The following SUCLG2 variants were observed in gnomAD, a reference collection of about 807,000 sequenced individuals.
SUCLG2 encodes succinate--CoA ligase [GDP-forming] subunit beta, mitochondrial.
Under a neutral mutation model 47.9 loss-of-function variants are expected in SUCLG2, and 42 were observed. The ratio of observed to expected loss-of-function variants is 0.88; its 90% confidence interval spans 0.69 to 1.14. SUCLG2 has a LOEUF of 1.14. Ranked by LOEUF, SUCLG2 falls within the 50% of genes most tolerant of loss-of-function variation. The probability of loss-of-function intolerance (pLI) is 0.00; values close to 1 mark genes in which losing one functional copy is unlikely to be tolerated. For synonymous variants in SUCLG2, 195 were observed against 197.3 expected (o/e 0.99, Z 0.10); for missense variants, 571 against 525.9 (o/e 1.09, Z -0.84).
intron 9 of SUCLG2, among the ~76,000 whole-genome samples, chr3:67,437,459 A>G (rs1703651465): frequency 6.6e-6 from 1 of 152,214 alleles, no homozygotes; most frequent in African/African-American, 2.4e-5. Flanking sequence ...CGTACCAGAT[A>G]GAAACAGTCT....
At chr3:67,510,016 C>T (rs1221222986) in intron 6 of SUCLG2, among the ~76,000 whole-genome samples, 1 of 152,184 alleles carries the variant, frequency 6.6e-6, no homozygotes, top group Non-Finnish European at 1.5e-5. Context: ...TCTATCTGGG[C>T]AGCACCTCCT....
intron 1 of SUCLG2, among the ~76,000 whole-genome samples, chr3:67,629,257 C>A (rs1700886709): frequency 6.6e-6 from 1 of 152,198 alleles, no homozygotes; most frequent in Non-Finnish European, 1.5e-5. Flanking sequence ...CACACTAACT[C>A]CCAGAGTTAG....
chr3:67,459,958 A>C (rs1010134033), intron 9 of SUCLG2, among the ~76,000 whole-genome samples: 8 of 152,216 alleles, frequency 5.3e-5, no homozygotes, highest in Non-Finnish European at 1.2e-4. Context: ...CAGCTGCTTC[A>C]GCTTCTTAAA....
rs145418455 is a variant in SUCLG2 at position 67,378,807 on chromosome 3, G to C, written c.1184-2948C>G. Among the ~76,000 whole-genome samples, 161 of 152,158 alleles carry C rather than the reference G, an allele frequency of 1.1e-3. 3 individuals carry two copies. In the East Asian group the frequency reaches 0.023, roughly 22 times the overall value. ...GTGCACTTTGATTCATTTGACTGTGGCAGGTGTTAGATAGCAGGCTAAGGA... is the reference window on the plus strand; with the variant it reads ...GTGCACTTTGATTCATTTGACTGTGCCAGGTGTTAGATAGCAGGCTAAGGA... On this transcript the variant is annotated intron_variant, in intron 10 of 10. Coordinates refer to ENST00000307227, the MANE Select transcript of SUCLG2 (RefSeq NM_003848.4).
chr3:67,394,393 G>A (rs199658441), intron 10 of SUCLG2, among the ~76,000 whole-genome samples: 34,383 of 146,608 alleles, frequency 0.23, 4,678 homozygotes, highest in African/African-American at 0.36. Flanking sequence ...CTCAGGAGCC[G>A]ATGCGATCAA....
intron 8 of SUCLG2, 56 bp downstream of exon 8, chr3:67,498,078 T>C: frequency 1.3e-6 from 2 of 1,506,080 alleles, no homozygotes; most frequent in Non-Finnish European, 1.8e-6. Flanking sequence ...GAAATCAAGG[T>C]TTCCTAAATT....
intron 9 of SUCLG2, among the ~76,000 whole-genome samples, chr3:67,405,433 T>C (rs1290584475): frequency 6.6e-6 from 1 of 152,182 alleles, no homozygotes; most frequent in Non-Finnish European, 1.5e-5. Flanking sequence ...ATACTAAACC[T>C]CTTCTTTGGA....
chr3:67,443,990 C>A (rs1179983539), intron 9 of SUCLG2, among the ~76,000 whole-genome samples: 1 of 123,072 alleles, frequency 8.1e-6, no homozygotes, highest in African/African-American at 2.8e-5. Flanking sequence ...CCCGGCCAGC[C>A]GCCCCATCCG....
At chr3:67,577,130 A>C (rs947737044) in intron 2 of SUCLG2, among the ~76,000 whole-genome samples, 1 of 152,124 alleles carries the variant, frequency 6.6e-6, no homozygotes, top group Non-Finnish European at 1.5e-5. Context: ...CCAACATGGC[A>C]AAATCTCATC....
intron 9 of SUCLG2, among the ~76,000 whole-genome samples, chr3:67,493,068 G>C (rs1705242571): frequency 6.6e-6 from 1 of 152,128 alleles, no homozygotes; most frequent in African/African-American, 2.4e-5. Flanking sequence ...CATCTAACAA[G>C]ACAATTGACA....
At chr3:67,588,193 T>C (rs1464069923) in intron 2 of SUCLG2, among the ~76,000 whole-genome samples, 1 of 152,232 alleles carries the variant, frequency 6.6e-6, no homozygotes, top group Non-Finnish European at 1.5e-5. Context: ...ACATCTTTAA[T>C]AGTAAAATGA....
chr3:67,597,179 CT>C (rs1708312412), intron 2 of SUCLG2, among the ~76,000 whole-genome samples: 1 of 152,184 alleles, frequency 6.6e-6, no homozygotes, highest in South Asian at 2.1e-4. Flanking sequence ...GAAGAGAACC[CT>C]GGACATAAGG....
intron 2 of SUCLG2, among the ~76,000 whole-genome samples, chr3:67,544,934 A>C (rs984699913): frequency 6.6e-6 from 1 of 152,244 alleles, no homozygotes; most frequent in African/African-American, 2.4e-5. Context: ...TAGAAAATAC[A>C]TTGATCATCT....
At chr3:67,598,359 T>C (rs1023707511) in intron 2 of SUCLG2, among the ~76,000 whole-genome samples, 1 of 152,176 alleles carries the variant, frequency 6.6e-6, no homozygotes, top group African/African-American at 2.4e-5. Context: ...CTTAATCTTA[T>C]TCAGGTAACC....
intron 1 of SUCLG2, among the ~76,000 whole-genome samples, chr3:67,618,740 T>A (rs1447752466): frequency 1.3e-5 from 2 of 152,210 alleles, no homozygotes; most frequent in African/African-American, 4.8e-5. Flanking sequence ...CTGTTTTCCA[T>A]TTTAAAGTAT....
chr3:67,474,485 G>T (rs1419063522), intron 9 of SUCLG2, among the ~76,000 whole-genome samples: 1 of 152,116 alleles, frequency 6.6e-6, no homozygotes, highest in Non-Finnish European at 1.5e-5. Flanking sequence ...TTTGATTGGT[G>T]ACTATAAATG....
chr3:67,431,540 A>G (rs910837893), intron 9 of SUCLG2, among the ~76,000 whole-genome samples: 2 of 152,190 alleles, frequency 1.3e-5, no homozygotes, highest in South Asian at 4.1e-4. Context: ...CATATACACC[A>G]TGGAATACTA....
intron 3 of SUCLG2, among the ~76,000 whole-genome samples, chr3:67,528,597 T>C (rs929879269): frequency 2.6e-5 from 4 of 151,970 alleles, no homozygotes; most frequent in African/African-American, 9.7e-5. Flanking sequence ...AGGGTAAAGA[T>C]CAAAGTAAAT....
At chr3:67,409,061 A>T (rs1419853520) in intron 9 of SUCLG2, 3 of 1,531,130 alleles carry the variant, frequency 2.0e-6, no homozygotes, top group African/African-American at 2.7e-5. Context: ...CAGAGGTAAG[A>T]TATCTTGTAT....
Sources: gnomAD v4.1 joint callset for allele counts (sites outside exome capture counted in the v4.1 genomes callset) on GRCh38, gnomAD v4.1.1 for gene constraint, MANE v1.5 for transcripts, NCBI Gene and HGNC (gene_info 2026-07-23, HGNC 2026-07-21) for gene names.